Variants in SYNPR observed in about 807,000 individuals in gnomAD.
The protein encoded by SYNPR is synaptoporin.
A neutral mutation model predicts 32.9 loss-of-function variants in SYNPR; 23 were observed. The ratio of observed to expected loss-of-function variants is 0.70; its 90% CI spans 0.50 to 0.99. The LOEUF (loss-of-function observed/expected upper bound fraction) is 0.99, where lower values mean the gene tolerates loss of function less well. Ranked by LOEUF, SYNPR falls within the 50% of genes least tolerant of loss-of-function variation. SYNPR has a pLI of 0.00. For synonymous variants in SYNPR, 146 were observed against 135.9 expected, an observed-to-expected ratio of 1.07 and a Z score of -0.52; for missense variants, 318 against 349.3, an observed-to-expected ratio of 0.91 and a Z score of 0.71.
intron 2 of SYNPR, among the ~76,000 whole-genome samples, chr3:63,420,448 A>G (rs727778): frequency 0.35 from 53,780 of 152,050 alleles, 9,790 homozygotes; most frequent in Middle Eastern, 0.44. Context: ...GAAACTGCAA[A>G]TCAGTGCAAA....
intron 3 of SYNPR, among the ~76,000 whole-genome samples, chr3:63,494,422 T>TATATATATATAC (rs1701322812): frequency 2.5e-5 from 1 of 40,296 alleles, no homozygotes; most frequent in Non-Finnish European, 4.0e-5. Flanking sequence ...TATATACGTA[T>TATATATATATAC]ATATATATAT....
chr3:63,596,616 A>T (rs973019700), intron 4 of SYNPR, among the ~76,000 whole-genome samples: 2 of 152,136 alleles, frequency 1.3e-5, no homozygotes, highest in Non-Finnish European at 2.9e-5. Flanking sequence ...CTTTCAGACC[A>T]GACCACTGAG....
chr3:63,364,957 G>C (rs970026026), intron 2 of SYNPR, among the ~76,000 whole-genome samples: 1 of 152,040 alleles, frequency 6.6e-6, no homozygotes, highest in Non-Finnish European at 1.5e-5. Context: ...ATTGAAATAG[G>C]GGCCAAGTTT....
upstream of SYNPR, among the ~76,000 whole-genome samples, chr3:63,227,807 C>T (rs890599634): frequency 3.9e-5 from 6 of 152,092 alleles, no homozygotes; most frequent in African/African-American, 1.4e-4. Flanking sequence ...CACTTATATT[C>T]CATTAGCTAG....
intron 3 of SYNPR, among the ~76,000 whole-genome samples, chr3:63,542,964 C>G (rs534128878): frequency 3.9e-5 from 6 of 151,992 alleles, no homozygotes; most frequent in African/African-American, 1.4e-4. Context: ...TTTCAAGACC[C>G]CTCCACATTT....
chr3:63,268,761 A>G (rs1374250869), intron 3 of SYNPR, among the ~76,000 whole-genome samples: 1 of 152,186 alleles, frequency 6.6e-6, no homozygotes, highest in Admixed American at 6.5e-5. Flanking sequence ...GTTCAAACCC[A>G]TGTTACTCAA....
At chr3:63,368,160 G>A (rs959612826) in intron 2 of SYNPR, among the ~76,000 whole-genome samples, 1 of 152,178 alleles carries the variant, frequency 6.6e-6, no homozygotes, top group Non-Finnish European at 1.5e-5. Context: ...AAAGAGAGAG[G>A]TGTTTGCCTG....
At chr3:63,471,241 T>C (rs1020327502) in intron 2 of SYNPR, among the ~76,000 whole-genome samples, 1 of 152,210 alleles carries the variant, frequency 6.6e-6, no homozygotes, top group African/African-American at 2.4e-5. Flanking sequence ...GGTAGTTATA[T>C]ATTGTAGACA....
In SYNPR at chr3:63,278,665, A is replaced by G. The variant is rs2086599710; in HGVS notation, c.19-12A>G. The G allele has an allele frequency of 2.6e-6, 4 of 1,551,584 alleles. No homozygotes were observed. Among genetic ancestry groups the G allele is most frequent in the Non-Finnish European group, 3.5e-6 (4 of 1,146,924 alleles). ...CGCTTTGCTTTCTCTCTCTCGCCTCATTCCCCCAAAGCTGGCCTCTGCGGG... is the reference window on the plus strand; with the variant it reads ...CGCTTTGCTTTCTCTCTCTCGCCTCGTTCCCCCAAAGCTGGCCTCTGCGGG... On this transcript the variant is annotated splice_polypyrimidine_tract_variant and intron_variant, in intron 1 of 5. Transcript: ENST00000478300.
intron 2 of SYNPR, among the ~76,000 whole-genome samples, chr3:63,476,187 G>GGAAGGAA (rs1700908736): frequency 6.4e-5 from 4 of 62,660 alleles, no homozygotes; most frequent in Admixed American, 1.5e-4. Context: ...AGGAAGGGAA[G>GGAAGGAA]GGAGGGAAGC....
chr3:63,387,870 G>C (rs931583401), intron 2 of SYNPR, among the ~76,000 whole-genome samples: 3 of 152,168 alleles, frequency 2.0e-5, no homozygotes, highest in African/African-American at 7.2e-5. Flanking sequence ...CACAGGTTGG[G>C]TTGCCTAGGA....
At chr3:63,407,243 G>T (rs2088371811) in intron 2 of SYNPR, among the ~76,000 whole-genome samples, 2 of 152,276 alleles carry the variant, frequency 1.3e-5, no homozygotes, top group South Asian at 2.1e-4. Flanking sequence ...GCTCCAGAGT[G>T]GTAACACTGT....
At chr3:63,468,491 G>GCACACACA (rs10663212) in intron 2 of SYNPR, among the ~76,000 whole-genome samples, 10 of 148,656 alleles carry the variant, frequency 6.7e-5, no homozygotes, top group South Asian at 2.1e-4. Flanking sequence ...TACCTGCAAA[G>GCACACACA]CACACACACA....
intron 2 of SYNPR, among the ~76,000 whole-genome samples, chr3:63,469,664 C>G (rs1463794010): frequency 2.6e-5 from 4 of 152,072 alleles, no homozygotes; most frequent in Non-Finnish European, 5.9e-5. Flanking sequence ...GGTAATTATT[C>G]CTATTCAACC....
rs539192185 is a variant in SYNPR, at chr3:63,514,737, G to A, written c.209+33781G>A. 7.9e-5 allele frequency among the ~76,000 whole-genome samples: 12 copies of A among 152,250 alleles called. 1 individual carries two copies. The South Asian group carries it at 2.5e-3, about 32-fold the overall frequency. ...CCAAGAACTGCAGGTTCTGAAATTA[G>A]CATTTTGTATTTTAGCTTTTTCTCC... On this transcript the variant is annotated intron_variant, in intron 3 of 5. Coordinates refer to ENST00000478300, the MANE Select transcript of SYNPR (RefSeq NM_001130003.2).
At position 63,602,676 on chromosome 3, in the gene SYNPR, A is replaced by G. The variant is rs953662584; in HGVS notation, c.409-6449A>G. On this transcript the variant is annotated intron_variant, in intron 4 of 5. Coordinates refer to ENST00000478300, the MANE Select transcript of SYNPR (RefSeq NM_001130003.2). ...GTTGTAGGTGTGTGAAATTATTTCT[A>G]GGCTTTCTATTCTGTTCCATTGGTT... 2.6e-5 allele frequency among the ~76,000 whole-genome samples: 4 copies of G among 151,972 alleles called. No individual in the cohort carries two copies. The East Asian group carries it at 5.8e-4, about 22-fold the overall frequency.
intron 3 of SYNPR, among the ~76,000 whole-genome samples, chr3:63,496,468 A>G (rs1701376089): frequency 6.6e-6 from 1 of 152,062 alleles, no homozygotes. Context: ...TTTCACTATC[A>G]CAAACAATGG....
At chr3:63,291,266 G>A (rs1027023802) in intron 2 of SYNPR, among the ~76,000 whole-genome samples, 1 of 152,058 alleles carries the variant, frequency 6.6e-6, no homozygotes, top group Non-Finnish European at 1.5e-5. Context: ...GAGAAACCTT[G>A]GGTAAATGTC....
At chr3:63,339,724 C>A (rs1339895600) in intron 2 of SYNPR, among the ~76,000 whole-genome samples, 1 of 151,086 alleles carries the variant, frequency 6.6e-6, no homozygotes, top group Non-Finnish European at 1.5e-5. Context: ...GTGGCGAGAT[C>A]TCAGCTCGCG....
Sources: allele counts gnomAD v4.1 joint callset (sites outside exome capture counted in the v4.1 genomes callset), GRCh38; gene constraint gnomAD v4.1.1; transcripts MANE v1.5; gene names NCBI Gene and HGNC (gene_info 2026-07-23, HGNC 2026-07-21).